The following PARD3B variants were observed in gnomAD, a reference collection of about 807,000 sequenced individuals.
PARD3B encodes the protein partitioning defective 3 homolog B.
In PARD3B, 103 loss-of-function variants were observed where a neutral mutation model predicts 130.2. The ratio of observed to expected loss-of-function variants is 0.79; its 90% confidence interval spans 0.67 to 0.93. The LOEUF is 0.93. PARD3B is among the 40% of genes least tolerant of loss of function. The pLI is 0.00. For missense variants in PARD3B, 1,609 were observed against 1,499.2 expected, an observed-to-expected ratio of 1.07 and a Z score of -1.21; for synonymous variants, 583 against 553.2, an observed-to-expected ratio of 1.05 and a Z score of -0.76.
chr2:204,682,875 A>G (rs2036904256), intron 1 of PARD3B, among the ~76,000 whole-genome samples: 1 of 152,190 alleles, frequency 6.6e-6, no homozygotes, highest in South Asian at 2.1e-4. Context: ...TTGTACTTCA[A>G]ACATGGTTAA....
intron 20 of PARD3B, among the ~76,000 whole-genome samples, chr2:205,486,365 A>G (rs2049442777): frequency 6.6e-6 from 1 of 152,186 alleles, no homozygotes; most frequent in Admixed American, 6.5e-5. Flanking sequence ...ATCTAGGCTA[A>G]TGAGAGCTGT....
chr2:205,322,142 C>A (rs533839728), intron 18 of PARD3B, among the ~76,000 whole-genome samples: 2 of 152,296 alleles, frequency 1.3e-5, no homozygotes, highest in Admixed American at 1.3e-4. Flanking sequence ...AGGACTTTTT[C>A]TTTTCAACAC....
chr2:204,826,772 C>T (rs1303229772), intron 2 of PARD3B, among the ~76,000 whole-genome samples: 1 of 152,052 alleles, frequency 6.6e-6, no homozygotes, highest in East Asian at 1.9e-4. Context: ...GTAATCCAAG[C>T]ACTTTGGGAG....
At chr2:205,504,953 T>C (rs377207846) in intron 21 of PARD3B, among the ~76,000 whole-genome samples, 10 of 152,168 alleles carry the variant, frequency 6.6e-5, no homozygotes, top group East Asian at 1.9e-4. Context: ...ATGTTTATTG[T>C]GGCACTATTC....
intron 13 of PARD3B, among the ~76,000 whole-genome samples, chr2:205,180,240 C>G (rs1213635626): frequency 6.6e-6 from 1 of 150,876 alleles, no homozygotes. Context: ...AGACTTATTA[C>G]ATTTTCATTG....
chr2:205,331,185 C>CACAT (rs1023568146), intron 18 of PARD3B, among the ~76,000 whole-genome samples: 1 of 152,046 alleles, frequency 6.6e-6, no homozygotes, highest in South Asian at 2.1e-4. Context: ...AATGGGCACA[C>CACAT]ACATACAAAC....
At chr2:205,479,913 T>C (rs2049165684) in intron 20 of PARD3B, among the ~76,000 whole-genome samples, 1 of 136,880 alleles carries the variant, frequency 7.3e-6, no homozygotes, top group African/African-American at 2.8e-5. Context: ...TTTTTTTTTT[T>C]TTTTTTTGAG....
intron 1 of PARD3B, among the ~76,000 whole-genome samples, chr2:204,549,760 C>T (rs1260646788): frequency 6.6e-6 from 1 of 152,158 alleles, no homozygotes; most frequent in Non-Finnish European, 1.5e-5. Context: ...AGAATAAGCA[C>T]AATACATGTT....
intron 2 of PARD3B, among the ~76,000 whole-genome samples, chr2:204,776,912 A>G (rs2041646283): frequency 6.6e-6 from 1 of 151,854 alleles, no homozygotes; most frequent in Admixed American, 6.6e-5. Context: ...GGGTGGGTAA[A>G]ACAGGAGTGT....
intron 16 of PARD3B, among the ~76,000 whole-genome samples, chr2:205,296,844 A>G (rs922023556): frequency 1.3e-5 from 2 of 151,688 alleles, no homozygotes; most frequent in Admixed American, 1.3e-4. Flanking sequence ...TTGGAAACAG[A>G]TGGAATCTTT....
At chr2:204,853,867 C>T (rs1055248921) in intron 2 of PARD3B, among the ~76,000 whole-genome samples, 4 of 151,968 alleles carry the variant, frequency 2.6e-5, no homozygotes, top group African/African-American at 9.7e-5. Flanking sequence ...TGTATAATTA[C>T]AAGTTGTGGT....
chr2:205,522,839 A>G (rs941158672), intron 21 of PARD3B, among the ~76,000 whole-genome samples: 3 of 152,168 alleles, frequency 2.0e-5, no homozygotes, highest in Admixed American at 6.5e-5. Context: ...CAATTTTACA[A>G]ATATTTAGGT....
intron 21 of PARD3B, among the ~76,000 whole-genome samples, chr2:205,552,966 CT>C (rs1196513088): frequency 1.3e-5 from 2 of 152,072 alleles, no homozygotes; most frequent in Non-Finnish European, 2.9e-5. Context: ...TCTATACTAC[CT>C]GTTCAATGTT....
At chr2:204,761,674 T>G (rs2040903096) in intron 2 of PARD3B, among the ~76,000 whole-genome samples, 1 of 152,184 alleles carries the variant, frequency 6.6e-6, no homozygotes, top group Non-Finnish European at 1.5e-5. Flanking sequence ...TATCACAGTT[T>G]AGATGTATTA....
intron 19 of PARD3B, among the ~76,000 whole-genome samples, chr2:205,436,825 G>T (rs1008248644): frequency 6.6e-6 from 1 of 151,910 alleles, no homozygotes; most frequent in Non-Finnish European, 1.5e-5. Flanking sequence ...ATGAGTCTGG[G>T]TTATATAACT....
At chr2:204,763,969 C>A (rs774275802) in intron 2 of PARD3B, among the ~76,000 whole-genome samples, 2 of 151,948 alleles carry the variant, frequency 1.3e-5, no homozygotes, top group African/African-American at 4.8e-5. Context: ...TTTTTTGAGA[C>A]CAAGTTTCTT....
At chr2:205,375,607 T>A (rs1320069884) in intron 18 of PARD3B, among the ~76,000 whole-genome samples, 1 of 151,728 alleles carries the variant, frequency 6.6e-6, no homozygotes, top group African/African-American at 2.4e-5. Context: ...TTTTGGAAAA[T>A]CCCAGAGAAC....
At chr2:204,780,439 A>AT (rs2041795528) in intron 2 of PARD3B, among the ~76,000 whole-genome samples, 1 of 152,196 alleles carries the variant, frequency 6.6e-6, no homozygotes, top group Admixed American at 6.6e-5. Context: ...CATGAAACAG[A>AT]TTTTTTAAAT....
At position 204,897,833 on chromosome 2, in the gene PARD3B, A is replaced by C. The variant is rs561907141; in HGVS notation, c.223-67319A>C. On this transcript the variant is annotated intron_variant, in intron 2 of 22. Transcript: ENST00000406610. ...ATGTTGTGGTAGTCAATCAAGCAGC[A>C]ACTGTGAGCAGAGAACAAAAGACTA... 1.7e-4 allele frequency among the ~76,000 whole-genome samples: 26 copies of C among 152,168 alleles called. 1 individual carries two copies. In the South Asian group the frequency reaches 5.0e-3, roughly 29 times the overall value.
Sources: gnomAD v4.1 joint callset for allele counts (sites outside exome capture counted in the v4.1 genomes callset) on GRCh38, gnomAD v4.1.1 for gene constraint, MANE v1.5 for transcripts, NCBI Gene and HGNC (gene_info 2026-07-23, HGNC 2026-07-21) for gene names.